The following CCNH variants were observed in gnomAD, a reference collection of about 807,000 sequenced individuals.
CCNH encodes cyclin H.
CCNH carries 31 observed loss-of-function variants against 41.9 expected under a neutral mutation model. The observed-to-expected ratio is 0.74, with a 90% CI of 0.56 to 1.00. The LOEUF (loss-of-function observed/expected upper bound fraction) is 1.00, where lower values mean the gene tolerates loss of function less well. CCNH is among the 50% of genes least tolerant of loss of function. The pLI, the probability that CCNH is intolerant of heterozygous loss-of-function variation, is 0.00. For missense variants in CCNH, 362 were observed against 388.4 expected, an observed-to-expected ratio of 0.93 and a Z score of 0.57; for synonymous variants, 138 against 136.1, an observed-to-expected ratio of 1.01 and a Z score of -0.10.
At chr5:87,380,366 A>G (rs1201100584), upstream of CCNH, 2 of 751,770 alleles carry the variant, frequency 2.7e-6, no homozygotes, top group Admixed American at 3.9e-5. Context: ...TAAATGCCTC[A>G]TTACCTGTGG....
chr5:87,412,750 G>T lies in CCNH; in HGVS notation c.45C>A (p.Ser15Arg), dbSNP rs753194402. Residue 15 changes from serine (S) to arginine (R), a missense_variant, in exon 1 of 9, where the codon AGC becomes AGA. By Grantham distance (110) the Ser-to-Arg change is moderately radical. Transcript: ENST00000256897. Reference sequence around the variant, plus strand: ...CCCGCAGTCTTGCCAGCTGCTCCTCGCTGGAGAAGGTCCAGTGCCGCTTCT... The same window carrying T: ...CCCGCAGTCTTGCCAGCTGCTCCTCTCTGGAGAAGGTCCAGTGCCGCTTCT... ...SSQKRHWTFSSEEQLARLRAD... is the reference protein window; with the variant it reads ...SSQKRHWTFSREEQLARLRAD... 16 of 1,614,062 alleles carry T rather than the reference G, an allele frequency of 9.9e-6. No individual in the cohort carries two copies. Among genetic ancestry groups the T allele is most frequent in the African/African-American group, 1.3e-5 (1 of 74,952 alleles).
chr5:87,369,212 CA>C (rs1227606364), intron 9 of CCNH, among the ~76,000 whole-genome samples: 1 of 151,990 alleles, frequency 6.6e-6, no homozygotes, highest in Non-Finnish European at 1.5e-5. Flanking sequence ...AGCACATTTC[CA>C]AAATGATATA....
At chr5:87,369,299 A>G (rs945583322) in intron 9 of CCNH, among the ~76,000 whole-genome samples, 3 of 152,208 alleles carry the variant, frequency 2.0e-5, no homozygotes, top group Admixed American at 6.5e-5. Flanking sequence ...CATTTGTTGT[A>G]CACAACTGTT....
chr5:87,388,448 G>C (rs1395630852), downstream of CCNH, among the ~76,000 whole-genome samples: 2 of 152,146 alleles, frequency 1.3e-5, no homozygotes, highest in Admixed American at 1.3e-4. Flanking sequence ...TCCAAAACTT[G>C]TTGAGCACCA....
At chr5:87,329,832 T>C (rs955101838) in intron 9 of CCNH, among the ~76,000 whole-genome samples, 1 of 152,184 alleles carries the variant, frequency 6.6e-6, no homozygotes, top group African/African-American at 2.4e-5. Flanking sequence ...AATAAACTCA[T>C]AGCCTGAAAT....
chr5:87,331,060 T>G (rs1757564665), intron 9 of CCNH: 3 of 1,166,580 alleles, frequency 2.6e-6, no homozygotes, highest in Non-Finnish European at 3.5e-6. Context: ...TGTTTATATT[T>G]TGAATAGCAG....
Position 87,367,974 on chromosome 5 carries a change from TA to T in CCNH, c.*90+24795del, listed in dbSNP as rs56965674. Reference sequence around the variant, plus strand: ...AAACTAAAATGTACCAACTATAAATTAAAAAAAAAATTATCCTTAGGTTTGT... The same window carrying T: ...AAACTAAAATGTACCAACTATAAATTAAAAAAAAATTATCCTTAGGTTTGT... On this transcript the variant is annotated intron_variant and NMD_transcript_variant, in intron 9 of 9. Coordinates refer to the CCNH transcript ENST00000645953. 1.9e-3 allele frequency among the ~76,000 whole-genome samples: 279 copies of T among 150,512 alleles called. 1 individual carries two copies. The highest frequency in any genetic ancestry group is 0.017 in the Middle Eastern group (5 of 292).
intron 9 of CCNH, chr5:87,369,720 GTTAA>G (rs1760789440): frequency 1.5e-5 from 12 of 810,212 alleles, no homozygotes; most frequent in Middle Eastern, 3.5e-4. Context: ...ATAATTTTAT[GTTAA>G]TTATTTATTG....
chr5:87,318,564 GA>G (rs984102977), exon 10 of CCNH: 3 of 152,250 alleles, frequency 2.0e-5, no homozygotes, highest in African/African-American at 7.2e-5. Flanking sequence ...AACAGCATGT[GA>G]AGGGGAATGT....
upstream of CCNH, chr5:87,380,607 C>T: frequency 6.3e-7 from 1 of 1,596,182 alleles, no homozygotes; most frequent in Non-Finnish European, 8.6e-7. Context: ...TAAGGCTCAT[C>T]AATTGATTTG....
intron 9 of CCNH, among the ~76,000 whole-genome samples, chr5:87,352,856 AT>A (rs1268023729): frequency 6.6e-6 from 1 of 151,920 alleles, no homozygotes; most frequent in Non-Finnish European, 1.5e-5. Flanking sequence ...TAGACTTTTA[AT>A]CATTTCCTCA....
At chr5:87,391,784 T>A, downstream of CCNH, 1 of 231,862 alleles carries the variant, frequency 4.3e-6, no homozygotes, top group East Asian at 6.2e-5. Context: ...CTTATCCATC[T>A]TTGAACTTCT....
downstream of CCNH, among the ~76,000 whole-genome samples, chr5:87,389,992 G>A (rs148962292): frequency 1.3e-3 from 196 of 152,202 alleles, no homozygotes; most frequent in African/African-American, 4.0e-3. Flanking sequence ...AAAGCTGCAC[G>A]TCTAACAAAC....
intron 9 of CCNH, among the ~76,000 whole-genome samples, chr5:87,365,283 TG>T (rs1377632844): frequency 6.6e-6 from 1 of 152,198 alleles, no homozygotes; most frequent in Non-Finnish European, 1.5e-5. Flanking sequence ...CGAAATCATA[TG>T]ATCCCTGTAT....
chr5:87,311,977 T>C, the CCNH span, among the ~76,000 whole-genome samples: 2 of 152,246 alleles, frequency 1.3e-5, no homozygotes, highest in Non-Finnish European at 2.9e-5. Context: ...ACTGGGTTAT[T>C]AATCCTTTAC....
At chr5:87,401,795 AT>A in intron 5 of CCNH, 23 bp from the exon 6 acceptor site, 2 of 1,420,794 alleles carry the variant, frequency 1.4e-6, no homozygotes, top group South Asian at 2.6e-5. Context: ...AGAAAAAAAA[AT>A]CTATTGAAAA....
chr5:87,357,560 C>G (rs968862291), intron 9 of CCNH, among the ~76,000 whole-genome samples: 3 of 152,080 alleles, frequency 2.0e-5, no homozygotes, highest in African/African-American at 7.2e-5. Context: ...AAAAAATTAG[C>G]TGGGTGTGGT....
chr5:87,356,755 C>T (rs1378312602), intron 9 of CCNH, among the ~76,000 whole-genome samples: 1 of 152,170 alleles, frequency 6.6e-6, no homozygotes, highest in African/African-American at 2.4e-5. Flanking sequence ...TAGTAGACTA[C>T]AGTATAGTTG....
intron 9 of CCNH, among the ~76,000 whole-genome samples, chr5:87,319,497 T>C (rs1218901216): frequency 1.3e-5 from 2 of 152,126 alleles, no homozygotes; most frequent in Non-Finnish European, 2.9e-5. Flanking sequence ...CCCAACACCA[T>C]GTGGAATCCA....
Sources: allele counts gnomAD v4.1 joint callset (sites outside exome capture counted in the v4.1 genomes callset), GRCh38; gene constraint gnomAD v4.1.1; transcripts MANE v1.5; gene names NCBI Gene and HGNC (gene_info 2026-07-23, HGNC 2026-07-21).